KLHL32: variants seen among roughly 807,000 people sequenced by gnomAD.
The protein encoded by KLHL32 is kelch-like protein 32.
A neutral mutation model predicts 64.8 loss-of-function variants in KLHL32; 35 were observed. That is an observed-to-expected ratio of 0.54 (90% confidence interval 0.41 to 0.72). The LOEUF is 0.72. Among genes scored for constraint, KLHL32 ranks in the 30% least tolerant of loss-of-function variants. The pLI is 0.00. For synonymous variants in KLHL32, 259 were observed against 281.0 expected, an observed-to-expected ratio of 0.92 and a Z score of 0.78; for missense variants, 589 against 768.5, an observed-to-expected ratio of 0.77 and a Z score of 2.76.
intron 5 of KLHL32, among the ~76,000 whole-genome samples, chr6:97,080,143 T>G (rs1792267966): frequency 6.6e-6 from 1 of 152,196 alleles, no homozygotes; most frequent in African/African-American, 2.4e-5. Context: ...AATGATTATA[T>G]TATACTTGTT....
At chr6:96,985,764 A>G (rs1448623082) in intron 3 of KLHL32, among the ~76,000 whole-genome samples, 1 of 151,968 alleles carries the variant, frequency 6.6e-6, no homozygotes, top group Non-Finnish European at 1.5e-5. Context: ...TATTCTAGTT[A>G]GCCATTCATC....
At chr6:96,972,233 A>G (rs1334341388) in intron 2 of KLHL32, among the ~76,000 whole-genome samples, 2 of 152,214 alleles carry the variant, frequency 1.3e-5, no homozygotes, top group Non-Finnish European at 2.9e-5. Context: ...ACATGTAATC[A>G]GTACAGAAAT....
the KLHL32 span, among the ~76,000 whole-genome samples, chr6:96,911,821 C>CTTTTTTTTTTTTT: frequency 1.9e-5 from 1 of 53,512 alleles, no homozygotes; most frequent in African/African-American, 6.6e-5. Flanking sequence ...CTGCTCGGTC[C>CTTTTTTTTTTTTT]TTCTTTTTTT....
At chr6:97,078,256 G>A (rs948320799) in intron 5 of KLHL32, among the ~76,000 whole-genome samples, 55 of 152,278 alleles carry the variant, frequency 3.6e-4, no homozygotes, top group African/African-American at 1.3e-3. Flanking sequence ...TTCAAATTGT[G>A]ATATAAAATC....
chr6:97,108,910 A>G (rs1016025242), intron 6 of KLHL32, among the ~76,000 whole-genome samples: 2 of 152,230 alleles, frequency 1.3e-5, no homozygotes, highest in African/African-American at 4.8e-5. Context: ...AAACAGAGTG[A>G]ATTTCCTCTG....
At chr6:96,926,998 G>T (rs896053407) in intron 1 of KLHL32, among the ~76,000 whole-genome samples, 21 of 152,142 alleles carry the variant, frequency 1.4e-4, no homozygotes, top group Admixed American at 1.3e-4. Context: ...CCATCATTGT[G>T]AGTGATCAGT....
In KLHL32 at chr6:97,139,144, C is replaced by T; in HGVS notation, c.1725C>T (p.Gly575=). 1.2e-6 allele frequency: 2 copies of T among 1,613,732 alleles called. No individual in the cohort carries two copies. Among genetic ancestry groups the T allele is most frequent in the Non-Finnish European group, 1.7e-6 (2 of 1,179,828 alleles). ...CIQVLDVSRE[G]KEEVFYGPTL... ...AGGTACTGGATGTAAGCAGAGAAGG[C>T]AAAGAAGAAGTATTCTATGGGCCTA... is the stretch of plus-strand genomic sequence containing the variant. Residue 575 remains glycine (G), a synonymous_variant, in exon 11 of 11, where the codon GGC becomes GGT. Transcript: ENST00000369261.
At chr6:97,002,444 T>G (rs757450419) in intron 3 of KLHL32, among the ~76,000 whole-genome samples, 2 of 152,150 alleles carry the variant, frequency 1.3e-5, no homozygotes, top group Non-Finnish European at 2.9e-5. Flanking sequence ...TTTTTCAAAC[T>G]CTATGAAGAA....
intron 3 of KLHL32, among the ~76,000 whole-genome samples, chr6:97,014,173 A>G (rs1780798963): frequency 6.6e-6 from 1 of 152,040 alleles, no homozygotes; most frequent in South Asian, 2.1e-4. Flanking sequence ...GGGCGCCTGT[A>G]GTCGCAGCTA....
Position 97,067,083 on chromosome 6 carries a change from G to A in KLHL32, c.411+2357G>A, listed in dbSNP as rs6919842. On this transcript the variant is annotated intron_variant, in intron 5 of 10. Coordinates refer to ENST00000369261, the MANE Select transcript of KLHL32 (RefSeq NM_052904.4). ...TTTCTTTGGTTTCTCTGCCAGAGGAGTGAAGGGCAGACCGGCTCAAATATA... is the reference window on the plus strand; with the variant it reads ...TTTCTTTGGTTTCTCTGCCAGAGGAATGAAGGGCAGACCGGCTCAAATATA... Among the ~76,000 whole-genome samples, 1,122 of 152,284 alleles carry A rather than the reference G, an allele frequency of 7.4e-3. 14 individuals are homozygous for A. Among genetic ancestry groups the A allele is most frequent in the African/African-American group, 0.024 (1,008 of 41,540 alleles).
At chr6:96,945,872 G>A (rs1413365942) in intron 1 of KLHL32, among the ~76,000 whole-genome samples, 1 of 152,176 alleles carries the variant, frequency 6.6e-6, no homozygotes, top group Non-Finnish European at 1.5e-5. Flanking sequence ...TAATGAGAAT[G>A]TGGAGGCTGA....
chr6:96,958,210 G>GTTAC (rs2128020984), intron 1 of KLHL32, among the ~76,000 whole-genome samples: 1 of 152,270 alleles, frequency 6.6e-6, no homozygotes, highest in South Asian at 2.1e-4. Flanking sequence ...CTAGGGAAGG[G>GTTAC]TTACAGGTAG....
At chr6:96,912,312 C>G in the KLHL32 span, among the ~76,000 whole-genome samples, 1 of 152,186 alleles carries the variant, frequency 6.6e-6, no homozygotes, top group Non-Finnish European at 1.5e-5. Context: ...AGTAAGCCAA[C>G]TTGCTCATCA....
intron 1 of KLHL32, among the ~76,000 whole-genome samples, chr6:96,954,325 T>C (rs1582463164): frequency 6.7e-6 from 1 of 150,344 alleles, no homozygotes; most frequent in East Asian, 1.9e-4. Flanking sequence ...TTTTTTTTTT[T>C]TTTTTTTTGC....
chr6:97,111,484 T>G (rs1187799597), intron 6 of KLHL32, among the ~76,000 whole-genome samples: 1 of 152,114 alleles, frequency 6.6e-6, no homozygotes, highest in African/African-American at 2.4e-5. Context: ...ACCCAACCCC[T>G]CATGGGACGG....
intron 8 of KLHL32, among the ~76,000 whole-genome samples, chr6:97,130,328 G>T (rs902525160): frequency 6.6e-6 from 1 of 152,162 alleles, no homozygotes; most frequent in Non-Finnish European, 1.5e-5. Context: ...TCACATACAA[G>T]TTATAAACCC....
chr6:96,925,248 T>C (rs1359882213), intron 1 of KLHL32, among the ~76,000 whole-genome samples: 1 of 152,072 alleles, frequency 6.6e-6, no homozygotes, highest in African/African-American at 2.4e-5. Context: ...CTGAGCCCAA[T>C]ATGTACTGTG....
chr6:97,120,611 G>A (rs1375937685), intron 7 of KLHL32, among the ~76,000 whole-genome samples: 1 of 152,200 alleles, frequency 6.6e-6, no homozygotes, highest in African/African-American at 2.4e-5. Flanking sequence ...CAGCAAGCTA[G>A]GATCTCAGTT....
upstream of KLHL32, chr6:96,924,654 G>A (rs1340599519): frequency 6.6e-6 from 1 of 152,118 alleles, no homozygotes; most frequent in Non-Finnish European, 1.5e-5. Context: ...GCCAAGGTGC[G>A]TCTCCAGTCT....
Sources: gnomAD v4.1 joint callset for allele counts (sites outside exome capture counted in the v4.1 genomes callset) on GRCh38, gnomAD v4.1.1 for gene constraint, MANE v1.5 for transcripts, NCBI Gene and HGNC (gene_info 2026-07-23, HGNC 2026-07-21) for gene names.